RPS6KC1: variants seen among roughly 807,000 people sequenced by gnomAD.
RPS6KC1 encodes inactive ribosomal protein S6 kinase delta-1.
A neutral mutation model predicts 103.8 loss-of-function variants in RPS6KC1; 54 were observed. The ratio of observed to expected loss-of-function variants is 0.52; its 90% CI spans 0.42 to 0.65. The LOEUF (loss-of-function observed/expected upper bound fraction) is 0.65. Among genes scored for constraint, RPS6KC1 ranks in the 30% least tolerant of loss-of-function variants. The pLI, the probability that RPS6KC1 is intolerant of heterozygous loss-of-function variation, is 0.00. For synonymous variants in RPS6KC1, 439 were observed against 438.7 expected (o/e 1.00, Z -0.01); for missense variants, 1,151 against 1,253.8 (o/e 0.92, Z 1.24).
At chr1:213,122,537 C>T (rs1460190783) in intron 5 of RPS6KC1, among the ~76,000 whole-genome samples, 1 of 151,910 alleles carries the variant, frequency 6.6e-6, no homozygotes. Flanking sequence ...AACTTAAAGT[C>T]TATTTACTAC....
chr1:213,608,097 C>T, the RPS6KC1 span, among the ~76,000 whole-genome samples: 1 of 152,128 alleles, frequency 6.6e-6, no homozygotes, highest in Non-Finnish European at 1.5e-5. Flanking sequence ...TTTGTCAACT[C>T]TCTGTTAAAA....
chr1:213,464,504 CAA>C, the RPS6KC1 span, among the ~76,000 whole-genome samples: 1 of 152,074 alleles, frequency 6.6e-6, no homozygotes, highest in Non-Finnish European at 1.5e-5. Flanking sequence ...GTTTTATTTT[CAA>C]AGACTTAGCT....
chr1:213,087,470 C>T (rs1024603236), intron 3 of RPS6KC1, among the ~76,000 whole-genome samples: 2 of 152,142 alleles, frequency 1.3e-5, no homozygotes, highest in Non-Finnish European at 2.9e-5. Context: ...TGCTTCTTAG[C>T]TTCAAATCTC....
At chr1:213,843,547 G>T in the RPS6KC1 span, 3 of 152,268 alleles carry the variant, frequency 2.0e-5, no homozygotes, top group South Asian at 6.2e-4. Context: ...GTAGAACAAA[G>T]TTCCTAAGTG....
chr1:213,806,381 G>A, the RPS6KC1 span, among the ~76,000 whole-genome samples: 1 of 152,152 alleles, frequency 6.6e-6, no homozygotes, highest in South Asian at 2.1e-4. Context: ...AGTAAACCAT[G>A]CTGTAAACAG....
chr1:213,696,226 G>A, the RPS6KC1 span, among the ~76,000 whole-genome samples: 250 of 152,150 alleles, frequency 1.6e-3, no homozygotes, highest in Non-Finnish European at 2.6e-3. Context: ...TTGGCCAGGC[G>A]TGGTGGCTCA....
At chr1:213,167,188 A>T (rs985022138) in intron 6 of RPS6KC1, among the ~76,000 whole-genome samples, 1 of 152,134 alleles carries the variant, frequency 6.6e-6, no homozygotes, top group African/African-American at 2.4e-5. Context: ...GATATCTGAA[A>T]CAAGAAAGCA....
intron 14 of RPS6KC1, among the ~76,000 whole-genome samples, chr1:213,266,736 C>T (rs1362803541): frequency 6.6e-6 from 1 of 151,980 alleles, no homozygotes; most frequent in Non-Finnish European, 1.5e-5. Flanking sequence ...AACCCTGTCT[C>T]TACTAAAAAT....
At chr1:213,262,927 G>T (rs41304117) in intron 14 of RPS6KC1, 111 bp downstream of exon 14, 8 of 724,942 alleles carry the variant, frequency 1.1e-5, no homozygotes, top group Middle Eastern at 2.4e-4. Context: ...CCCATTTAAC[G>T]TAAAACAAAG....
At chr1:213,514,619 C>A in the RPS6KC1 span, among the ~76,000 whole-genome samples, 9 of 152,076 alleles carry the variant, frequency 5.9e-5, no homozygotes. Flanking sequence ...TTTCTTAATC[C>A]AGTCTATCGT....
At chr1:213,386,538 T>C in the RPS6KC1 span, among the ~76,000 whole-genome samples, 1 of 152,230 alleles carries the variant, frequency 6.6e-6, no homozygotes, top group Admixed American at 6.5e-5. Flanking sequence ...CTGGCTGTCC[T>C]GTGTTTACGG....
At chr1:213,643,085 T>A in the RPS6KC1 span, among the ~76,000 whole-genome samples, 3 of 152,054 alleles carry the variant, frequency 2.0e-5, no homozygotes, top group South Asian at 6.2e-4. Context: ...TCTAACCTAA[T>A]TTAATAACTA....
the RPS6KC1 span, among the ~76,000 whole-genome samples, chr1:213,760,021 T>A: frequency 1.3e-5 from 2 of 152,166 alleles, no homozygotes; most frequent in Admixed American, 1.3e-4. Context: ...TGCAATGTCA[T>A]CCATGTTTAC....
At chr1:213,211,876 A>G (rs983361678) in intron 8 of RPS6KC1, among the ~76,000 whole-genome samples, 2 of 152,194 alleles carry the variant, frequency 1.3e-5, no homozygotes, top group Non-Finnish European at 2.9e-5. Flanking sequence ...GATCTGGCCA[A>G]GTGATTTTTA....
the RPS6KC1 span, among the ~76,000 whole-genome samples, chr1:213,641,524 A>G: frequency 2.0e-5 from 3 of 152,070 alleles, no homozygotes; most frequent in African/African-American, 4.8e-5. Context: ...GATCTGTCCC[A>G]TGTGTGTAGT....
At chr1:213,195,240 T>C (rs902387341) in intron 8 of RPS6KC1, among the ~76,000 whole-genome samples, 2 of 152,192 alleles carry the variant, frequency 1.3e-5, no homozygotes, top group African/African-American at 2.4e-5. Context: ...TGTATACAAT[T>C]GATAAGATGA....
At chr1:213,738,739 A>T in the RPS6KC1 span, among the ~76,000 whole-genome samples, 2 of 152,010 alleles carry the variant, frequency 1.3e-5, no homozygotes, top group East Asian at 3.9e-4. Flanking sequence ...TCACTCCTGT[A>T]ATCCCAGCAA....
At chr1:213,605,499 G>A in the RPS6KC1 span, among the ~76,000 whole-genome samples, 1 of 152,172 alleles carries the variant, frequency 6.6e-6, no homozygotes. Flanking sequence ...TTGCTGAGTG[G>A]CCCTCAAAGA....
At chr1:213,649,669 G>T in the RPS6KC1 span, among the ~76,000 whole-genome samples, 4 of 151,932 alleles carry the variant, frequency 2.6e-5, no homozygotes, top group African/African-American at 9.7e-5. Flanking sequence ...TGTCTGTGAC[G>T]GTTTACTTTC....
Sources: allele counts gnomAD v4.1 joint callset (sites outside exome capture counted in the v4.1 genomes callset), GRCh38; gene constraint gnomAD v4.1.1; transcripts MANE v1.5; gene names NCBI Gene and HGNC (gene_info 2026-07-23, HGNC 2026-07-21).